Variants in ATP9B observed in about 807,000 individuals in gnomAD.
The protein encoded by ATP9B is ATPase phospholipid transporting 9B.
Under a neutral mutation model 146.1 loss-of-function variants are expected in ATP9B, and 110 were observed. The ratio of observed to expected loss-of-function variants is 0.75; its 90% CI spans 0.65 to 0.88. The LOEUF (loss-of-function observed/expected upper bound fraction) is 0.88, where lower values mean the gene tolerates loss of function less well. Ranked by LOEUF, ATP9B falls within the 40% of genes least tolerant of loss-of-function variation. The pLI is 0.00. For missense variants in ATP9B, 1,499 were observed against 1,496.4 expected, an observed-to-expected ratio of 1.00 and a Z score of -0.03; for synonymous variants, 604 against 569.7, an observed-to-expected ratio of 1.06 and a Z score of -0.86.
chr18:79,253,468 C>A lies in ATP9B; in HGVS notation c.1195C>A (p.Gln399Lys). The A allele has an allele frequency of 1.2e-6, 2 of 1,613,678 alleles. No individual in the cohort carries two copies. Among genetic ancestry groups the A allele is most frequent in the Non-Finnish European group, 1.7e-6 (2 of 1,179,864 alleles). ...VALSIVMVTLQGFVGPWYRNL... is the reference protein window; with the variant it reads ...VALSIVMVTLKGFVGPWYRNL... ...TCTTTCCATTGTTATGGTAACCTTACAAGGATTTGTGGGTCCATGGTACCG... is the reference window on the plus strand; with the variant it reads ...TCTTTCCATTGTTATGGTAACCTTAAAAGGATTTGTGGGTCCATGGTACCG... Residue 399 changes from glutamine to lysine, a missense_variant, in exon 12 of 30, where the codon CAA becomes AAA. Transcript: ENST00000426216.
rs951501958 is a variant in ATP9B, at chr18:79,215,498, T to C, written c.1107+1460T>C. On this transcript the variant is annotated intron_variant, in intron 11 of 29. Transcript: ENST00000426216. ...CTAATTGTGATAATGGGGAAAGTTA[T>C]CTCTTTAGACTTACATTGCAGTTTG... Among the ~76,000 whole-genome samples, 67 of 149,780 alleles carry C rather than the reference T, an allele frequency of 4.5e-4. 3 individuals carry two copies. The highest frequency in any genetic ancestry group is 7.5e-5 in the African/African-American group (3 of 40,076).
chr18:79,274,251 C>T (rs755825559), intron 12 of ATP9B, among the ~76,000 whole-genome samples: 2 of 152,116 alleles, frequency 1.3e-5, no homozygotes, highest in African/African-American at 2.4e-5. Flanking sequence ...AAAATTAGAA[C>T]ATTACTAAAA....
intron 9 of ATP9B, among the ~76,000 whole-genome samples, chr18:79,200,347 C>T (rs2095457256): frequency 1.3e-5 from 2 of 152,158 alleles, no homozygotes; most frequent in South Asian, 4.1e-4. Context: ...CTGACAAATC[C>T]ATTATGATAG....
At chr18:79,160,651 G>T (rs2094864758) in intron 7 of ATP9B, among the ~76,000 whole-genome samples, 1 of 152,202 alleles carries the variant, frequency 6.6e-6, no homozygotes, top group Non-Finnish European at 1.5e-5. Context: ...AAGCTGAAAG[G>T]TGTTTAGAAA....
At chr18:79,185,164 G>A (rs2095295198) in intron 8 of ATP9B, among the ~76,000 whole-genome samples, 1 of 152,120 alleles carries the variant, frequency 6.6e-6, no homozygotes, top group Non-Finnish European at 1.5e-5. Flanking sequence ...TGAGGTGGTG[G>A]TGGTCACAGG....
At chr18:79,327,838 GTGGTTAGCGTGCTCTCCA>G (rs71161767) in intron 15 of ATP9B, among the ~76,000 whole-genome samples, 15,830 of 67,936 alleles carry the variant, frequency 0.23, 6,357 homozygotes, top group Middle Eastern at 0.28. Context: ...TGTGTTCTCC[GTGGTTAGCGTGCTCTCCA>G]TGGTTAGCGT....
At chr18:79,330,234 CCAGCT>C in intron 17 of ATP9B, 130 bp downstream of exon 17, 2 of 822,538 alleles carry the variant, frequency 2.4e-6, no homozygotes, top group Non-Finnish European at 3.9e-6. Flanking sequence ...TATCCTTTCC[CCAGCT>C]TGCAGACACT....
chr18:79,255,230 C>T (rs549625186), intron 12 of ATP9B: 28 of 152,284 alleles, frequency 1.8e-4, no homozygotes, highest in African/African-American at 6.7e-4. Context: ...AAATACCCCC[C>T]GCCCACTGGC....
chr18:79,220,870 C>T (rs1483499949), intron 11 of ATP9B, among the ~76,000 whole-genome samples: 3 of 152,196 alleles, frequency 2.0e-5, no homozygotes, highest in African/African-American at 7.2e-5. Context: ...TAGGATGTCA[C>T]GCCCTCTTGC....
intron 25 of ATP9B, chr18:79,352,648 T>G (rs1455387393): frequency 6.6e-6 from 1 of 152,106 alleles, no homozygotes; most frequent in Non-Finnish European, 1.5e-5. Flanking sequence ...CCAGAGGGCC[T>G]CGAAACCTCT....
chr18:79,149,003 T>C (rs913369869), intron 6 of ATP9B, among the ~76,000 whole-genome samples: 1 of 150,522 alleles, frequency 6.6e-6, no homozygotes, highest in African/African-American at 2.5e-5. Context: ...AAACTTACAA[T>C]GTGTTGATAA....
At chr18:79,143,053 G>A (rs554886396) in intron 5 of ATP9B, among the ~76,000 whole-genome samples, 1 of 152,152 alleles carries the variant, frequency 6.6e-6, no homozygotes, top group Non-Finnish European at 1.5e-5. Context: ...GAGTGAGGAA[G>A]TGAGGGAAAG....
intron 15 of ATP9B, among the ~76,000 whole-genome samples, chr18:79,316,407 C>T (rs1310121323): frequency 2.6e-5 from 4 of 152,206 alleles, no homozygotes; most frequent in Non-Finnish European, 5.9e-5. Context: ...AGCCGCACAC[C>T]TGAGAATTTC....
intron 4 of ATP9B, among the ~76,000 whole-genome samples, chr18:79,124,774 G>A (rs2094253279): frequency 6.6e-6 from 1 of 152,212 alleles, no homozygotes; most frequent in African/African-American, 2.4e-5. Context: ...GCGTCCGGCT[G>A]GGGTGCCACA....
At chr18:79,271,950 ATC>A (rs1453962680) in intron 12 of ATP9B, among the ~76,000 whole-genome samples, 9 of 152,242 alleles carry the variant, frequency 5.9e-5, no homozygotes, top group African/African-American at 2.2e-4. Flanking sequence ...GTGAGATGGT[ATC>A]TCATTGTGGT....
chr18:79,339,365 T>A (rs752774366), intron 19 of ATP9B, among the ~76,000 whole-genome samples: 1 of 145,298 alleles, frequency 6.9e-6, no homozygotes, highest in African/African-American at 2.6e-5. Flanking sequence ...GACTATCATA[T>A]CTGTCTGAGA....
intron 11 of ATP9B, among the ~76,000 whole-genome samples, chr18:79,252,415 G>A (rs1288400365): frequency 8.9e-6 from 1 of 112,578 alleles, no homozygotes; most frequent in Non-Finnish European, 1.8e-5. Context: ...CCTTCCTGCA[G>A]CGCCGAGTTC....
intron 19 of ATP9B, among the ~76,000 whole-genome samples, chr18:79,341,375 A>T (rs542190082): frequency 2.4e-5 from 3 of 124,072 alleles, no homozygotes; most frequent in Non-Finnish European, 5.1e-5. Flanking sequence ...TTGTGGTTGG[A>T]TGTGTGTAGC....
intron 6 of ATP9B, 147 bp downstream of exon 6, chr18:79,144,007 A>G (rs1209028864): frequency 2.0e-6 from 1 of 489,236 alleles, no homozygotes; most frequent in Non-Finnish European, 3.5e-6. Flanking sequence ...TATGTGAAGA[A>G]AAATCTAGAT....
Sources: allele counts gnomAD v4.1 joint callset (sites outside exome capture counted in the v4.1 genomes callset), GRCh38; gene constraint gnomAD v4.1.1; transcripts MANE v1.5; gene names NCBI Gene and HGNC (gene_info 2026-07-23, HGNC 2026-07-21).